Variants in ARHGEF18 observed in about 807,000 individuals in gnomAD.
The protein encoded by ARHGEF18 is rho guanine nucleotide exchange factor 18.
ARHGEF18 carries 93 observed loss-of-function variants against 155.7 expected under a neutral mutation model. That is an observed-to-expected ratio of 0.60 (90% CI 0.50 to 0.71). The LOEUF (loss-of-function observed/expected upper bound fraction) is 0.71. Ranked by LOEUF, ARHGEF18 falls within the 30% of genes least tolerant of loss-of-function variation. ARHGEF18 has a pLI of 0.00. For synonymous variants in ARHGEF18, 742 were observed against 753.1 expected (o/e 0.99, Z 0.24); for missense variants, 1,593 against 1,816.1 (o/e 0.88, Z 2.23).
At chr19:7,465,563 A>G (rs992777976) in intron 23 of ARHGEF18, among the ~76,000 whole-genome samples, 7 of 151,952 alleles carry the variant, frequency 4.6e-5, no homozygotes, top group African/African-American at 1.7e-4. Flanking sequence ...GCGCGCCCCC[A>G]CACCTGACTA....
rs557807509 is a variant in ARHGEF18 at position 7,470,644 on chromosome 19, G to A, written c.*346G>A. The A allele has an allele frequency of 2.1e-3, 834 of 398,032 alleles. 2 individuals are homozygous for A. The highest frequency in any genetic ancestry group is 3.1e-3 in the Non-Finnish European group (707 of 225,758). 24.7% of individuals were successfully genotyped at this position (398,032 alleles called of 1,614,324 possible). A position where few individuals can be genotyped will look rare whatever the true frequency, so the allele number is the denominator to read the frequency against. On this transcript the variant is annotated 3_prime_UTR_variant, in exon 29 of 29. Transcript: ENST00000668164. The surrounding 1 kb of genome is among the most constrained non-coding windows in gnomAD (Gnocchi z 5.9). The stretch of plus-strand genomic sequence containing the variant: ...ATCAACTCCGAGCTGTTTTTCCGAG[G>A]CAGTGAGGAACGGTGCCGGCTCTGC...
intron 1 of ARHGEF18, among the ~76,000 whole-genome samples, chr19:7,357,641 C>T (rs1034526874): frequency 6.6e-6 from 1 of 152,174 alleles, no homozygotes; most frequent in South Asian, 2.1e-4. Flanking sequence ...TACAGCGTGT[C>T]TCCTGTCATC....
At chr19:7,453,363 T>C in intron 16 of ARHGEF18, 104 bp from the exon 17 acceptor site, 1 of 1,362,302 alleles carries the variant, frequency 7.3e-7, no homozygotes. Context: ...ATACATAGTG[T>C]GTCCACACAC....
intron 16 of ARHGEF18, among the ~76,000 whole-genome samples, chr19:7,453,042 C>CA (rs1049694264): frequency 6.6e-5 from 10 of 150,802 alleles, no homozygotes; most frequent in East Asian, 2.0e-4. Context: ...CTAAAAATAC[C>CA]AAAAAAAATA....
chr19:7,462,267 A>G lies in ARHGEF18; in HGVS notation c.2568A>G (p.Leu856=). ...GLEDLPQPRG[L]FRGGDPSETL... ...AAGACCTGCCCCAGCCCCGAGGCCT[A>G]TTCCGTGGAGGGGACCCATCCGAGA... is the stretch of plus-strand genomic sequence containing the variant. The change falls in exon 21 of 29, where the codon CTA becomes CTG. Residue 856 remains leucine, a synonymous_variant. Transcript: ENST00000668164. The surrounding 1 kb of genome is among the most constrained non-coding windows in gnomAD (Gnocchi z 4.4). The G allele has an allele frequency of 6.2e-7, 1 of 1,613,640 alleles. No homozygotes were observed.
chr19:7,470,269 G>T lies in ARHGEF18; in HGVS notation c.4057G>T (p.Ala1353Ser), dbSNP rs779578688. ...PATPLSAKEDASKEDVIFF is the reference protein window; with the variant it reads ...PATPLSAKEDSSKEDVIFF The stretch of plus-strand genomic sequence containing the variant: ...CACACCACTCAGCGCCAAGGAGGAC[G>T]CCAGCAAAGAAGACGTCATCTTCTT... The change falls in exon 29 of 29, where the codon GCC (alanine) becomes TCC (serine). Residue 1353 changes from alanine to serine, a missense_variant. Coordinates refer to ENST00000668164, the MANE Select transcript of ARHGEF18 (RefSeq NM_001367823.1). The surrounding 1 kb of genome is among the most constrained non-coding windows in gnomAD (Gnocchi z 5.9). 2 of 1,557,722 alleles carry T rather than the reference G, an allele frequency of 1.3e-6. No homozygotes were observed. Among genetic ancestry groups the T allele is most frequent in the East Asian group, 2.4e-5 (1 of 41,506 alleles).
rs1555698655 is a variant in ARHGEF18, at chr19:7,364,390, A to AAGGAAGGAAGGAAGGAAGGAAGGG, written c.15+1500_15+1501insAAGGAAGGGAGGAAGGAAGGAAGG. On this transcript the variant is annotated intron_variant, in intron 2 of 28. Coordinates refer to ENST00000668164, the MANE Select transcript of ARHGEF18 (RefSeq NM_001367823.1). Reference sequence around the variant, plus strand: ...AAAGGAAGGAAGGAAGGAAGGAAGGAAGGAAGGAAGGAAGGCAGGCTGACT... The same window carrying AAGGAAGGAAGGAAGGAAGGAAGGG: ...AAAGGAAGGAAGGAAGGAAGGAAGGAAGGAAGGAAGGAAGGAAGGAAGGGAGGAAGGAAGGAAGGCAGGCTGACT... Among the ~76,000 whole-genome samples the AAGGAAGGAAGGAAGGAAGGAAGGG allele has an allele frequency of 2.5e-3, 371 of 147,226 alleles. 5 individuals are homozygous for AAGGAAGGAAGGAAGGAAGGAAGGG. The highest frequency in any genetic ancestry group is 8.6e-3 in the African/African-American group (344 of 39,964).
intron 18 of ARHGEF18, among the ~76,000 whole-genome samples, chr19:7,456,740 C>T (rs996278085): frequency 6.6e-6 from 1 of 152,008 alleles, no homozygotes; most frequent in African/African-American, 2.4e-5. Flanking sequence ...GACTCTATCT[C>T]AAAACAAAAA....
At chr19:7,360,478 C>A (rs190266751) in intron 1 of ARHGEF18, among the ~76,000 whole-genome samples, 1 of 152,260 alleles carries the variant, frequency 6.6e-6, no homozygotes, top group South Asian at 2.1e-4. Context: ...TCAAGTGATC[C>A]GCCTTCCTCG....
At chr19:7,387,290 C>T (rs1360510829) in intron 10 of ARHGEF18, among the ~76,000 whole-genome samples, 3 of 151,922 alleles carry the variant, frequency 2.0e-5, no homozygotes, top group African/African-American at 7.2e-5. Flanking sequence ...GTAGCTGGGA[C>T]TACAGGTGCC....
At chr19:7,443,503 C>G (rs1974801126) in intron 13 of ARHGEF18, among the ~76,000 whole-genome samples, 1 of 152,154 alleles carries the variant, frequency 6.6e-6, no homozygotes, top group Admixed American at 6.6e-5. Flanking sequence ...CCTTGGCCCT[C>G]AGGTCCTTTT....
intron 10 of ARHGEF18, among the ~76,000 whole-genome samples, chr19:7,411,252 C>CTTCCCCTTCCCT (rs1972659868): frequency 3.7e-5 from 2 of 53,924 alleles, no homozygotes; most frequent in Non-Finnish European, 1.1e-4. Flanking sequence ...TCCCCTACCT[C>CTTCCCCTTCCCT]TTCCCCTTCC....
At chr19:7,464,494 G>C in intron 22 of ARHGEF18, 66 bp from the exon 23 acceptor site, 1 of 1,546,180 alleles carries the variant, frequency 6.5e-7, no homozygotes, top group South Asian at 1.2e-5. Context: ...GCTGGGGGTG[G>C]ACTGGGAAGC....
At chr19:7,370,379 C>A (rs79632459) in intron 2 of ARHGEF18, among the ~76,000 whole-genome samples, 29,812 of 151,568 alleles carry the variant, frequency 0.2, 6,685 homozygotes, top group African/African-American at 0.54. Flanking sequence ...GCCTGTAGTC[C>A]CAGCTACTCG....
chr19:7,462,990 C>T lies in ARHGEF18; in HGVS notation c.2635+656C>T, dbSNP rs1206237360. Among the ~76,000 whole-genome samples the T allele has an allele frequency of 1.3e-5, 2 of 151,508 alleles. No homozygotes were observed. The highest frequency in any genetic ancestry group is 6.6e-5 in the Admixed American group (1 of 15,240). ...CTGGGATTACAGGCACCCACCACCA[C>T]GCCCAGCTAATTTTTGTATTTTTCG... On this transcript the variant is annotated intron_variant, in intron 21 of 28. Coordinates refer to ENST00000668164, the MANE Select transcript of ARHGEF18 (RefSeq NM_001367823.1). The surrounding 1 kb of genome is among the most constrained non-coding windows in gnomAD (Gnocchi z 4.4).
intron 2 of ARHGEF18, among the ~76,000 whole-genome samples, chr19:7,363,619 G>C (rs1318051769): frequency 2.0e-5 from 3 of 151,552 alleles, no homozygotes; most frequent in Admixed American, 2.0e-4. Flanking sequence ...TGGATGAAAG[G>C]AAAGAGGATG....
Position 7,400,704 on chromosome 19 carries a change from C to T in ARHGEF18, c.967+17501C>T, listed in dbSNP as rs573430178. 1.2e-4 allele frequency among the ~76,000 whole-genome samples: 19 copies of T among 152,234 alleles called. No homozygotes were observed. The East Asian group carries it at 3.7e-3, about 29-fold the overall frequency. ...GAAAAATTGGCAAGGTGTGATGGCT[C>T]ACACCTCTGGCCCCAGCTACTTGGG... On this transcript the variant is annotated intron_variant, in intron 10 of 28. Coordinates refer to ENST00000668164, the MANE Select transcript of ARHGEF18 (RefSeq NM_001367823.1).
chr19:7,392,414 T>C (rs1451388604), intron 10 of ARHGEF18, among the ~76,000 whole-genome samples: 1 of 150,732 alleles, frequency 6.6e-6, no homozygotes, highest in Admixed American at 6.6e-5. Flanking sequence ...GAAATAAGGC[T>C]GATGGCCAGA....
At chr19:7,435,608 A>G (rs922161208) in intron 10 of ARHGEF18, among the ~76,000 whole-genome samples, 2 of 152,166 alleles carry the variant, frequency 1.3e-5, no homozygotes, top group Non-Finnish European at 2.9e-5. Context: ...TGAGCTCTGC[A>G]CTGGGTGCAG....
Sources: allele counts gnomAD v4.1 joint callset (sites outside exome capture counted in the v4.1 genomes callset), GRCh38; gene constraint gnomAD v4.1.1; non-coding constraint Gnocchi (gnomAD v3.1); transcripts MANE v1.5; gene names NCBI Gene and HGNC (gene_info 2026-07-23, HGNC 2026-07-21).